Variants in MOV10L1 observed in about 807,000 individuals in gnomAD.
The protein encoded by MOV10L1 is Mov10 like RNA helicase 1.
Under a neutral mutation model 143.8 loss-of-function variants are expected in MOV10L1, and 110 were observed. The ratio of observed to expected loss-of-function variants is 0.76; its 90% CI spans 0.66 to 0.90. The LOEUF is 0.90. Among genes scored for constraint, MOV10L1 ranks in the 40% least tolerant of loss-of-function variants. The pLI is 0.00. For missense variants in MOV10L1, 1,406 were observed against 1,526.8 expected, an observed-to-expected ratio of 0.92 and a Z score of 1.32; for synonymous variants, 593 against 581.1, an observed-to-expected ratio of 1.02 and a Z score of -0.29.
At chr22:50,117,475 G>A (rs567358954) in intron 9 of MOV10L1, 124 bp downstream of exon 9, 6 of 957,078 alleles carry the variant, frequency 6.3e-6, no homozygotes, top group East Asian at 2.6e-5. Flanking sequence ...ATGAAGCTGG[G>A]GTTCAAGCCT....
At chr22:50,145,323 G>A (rs757591512) in intron 18 of MOV10L1, among the ~76,000 whole-genome samples, 4 of 152,182 alleles carry the variant, frequency 2.6e-5, no homozygotes, top group Non-Finnish European at 4.4e-5. Context: ...TCCGGAGGCC[G>A]AAGCAGGAGA....
chr22:50,128,343 T>G (rs1251749061), intron 12 of MOV10L1, 73 bp from the exon 13 acceptor site: 2 of 866,942 alleles, frequency 2.3e-6, no homozygotes, highest in Non-Finnish European at 3.7e-6. Flanking sequence ...GAATGAATTT[T>G]TGATGATGTG....
intron 22 of MOV10L1, among the ~76,000 whole-genome samples, chr22:50,154,697 G>A (rs944621374): frequency 4.6e-5 from 7 of 152,140 alleles, no homozygotes; most frequent in South Asian, 2.1e-4. Context: ...CGTTCTCGTC[G>A]TGCTCCTCAT....
rs1188379358 is a variant in MOV10L1 at position 50,128,396 on chromosome 22, ATTGT to A, written c.1819-14_1819-11del. The stretch of plus-strand genomic sequence containing the variant: ...CACATTATTTCAAGAAATCAGGTAT[ATTGT>A]TTGTTCCTTTTTTAGATTCATGAAG... On this transcript the variant is annotated splice_polypyrimidine_tract_variant and intron_variant, in intron 12 of 26. Coordinates refer to ENST00000262794, the MANE Select transcript of MOV10L1 (RefSeq NM_018995.3). The A allele has an allele frequency of 3.2e-6, 4 of 1,256,756 alleles. No individual in the cohort carries two copies. Among genetic ancestry groups the A allele is most frequent in the Non-Finnish European group, 4.6e-6 (4 of 873,956 alleles). The allele number at this position is 1,256,756 out of a possible 1,614,324, so 77.9% of individuals were successfully genotyped here. A position where few individuals can be genotyped will look rare whatever the true frequency, so the allele number is the denominator to read the frequency against.
chr22:50,111,547 A>C (rs1292176692), intron 5 of MOV10L1, among the ~76,000 whole-genome samples: 2 of 120,244 alleles, frequency 1.7e-5, no homozygotes, highest in African/African-American at 3.3e-5. Flanking sequence ...TCCGTCACCC[A>C]GGTTGGAGTG....
chr22:50,104,836 A>G (rs2061829258), intron 3 of MOV10L1, among the ~76,000 whole-genome samples: 1 of 150,202 alleles, frequency 6.7e-6, no homozygotes. Flanking sequence ...TCAAAGTTGC[A>G]TTTTATGGTT....
chr22:50,135,173 C>T (rs576255247), intron 15 of MOV10L1, among the ~76,000 whole-genome samples: 1 of 151,996 alleles, frequency 6.6e-6, no homozygotes, highest in African/African-American at 2.4e-5. Context: ...GCCATCACAC[C>T]CAGCTAATTT....
intron 20 of MOV10L1, 73 bp downstream of exon 20, chr22:50,149,787 G>A (rs2147409470): frequency 2.2e-6 from 3 of 1,379,072 alleles, no homozygotes; most frequent in Admixed American, 2.0e-5. Flanking sequence ...CTGCGATCCT[G>A]CCGGGAACAG....
chr22:50,128,614 G>C, intron 13 of MOV10L1, 107 bp downstream of exon 13: 3 of 641,272 alleles, frequency 4.7e-6, no homozygotes, highest in Non-Finnish European at 8.0e-6. Context: ...GCGCAATCTC[G>C]GCTCACTGCA....
rs766915853 is a variant in MOV10L1, at chr22:50,152,995, CTG to C, written c.2893-47_2893-46del. 12 of 1,504,898 alleles carry C rather than the reference CTG, an allele frequency of 8.0e-6. No homozygotes were observed. The highest frequency in any genetic ancestry group is 3.7e-5 in the South Asian group (3 of 81,870). The allele number at this position is 1,504,898 out of a possible 1,614,324, so 93.2% of individuals were successfully genotyped here. On this transcript the variant is annotated intron_variant, in intron 21 of 26. Transcript: ENST00000262794. This position sits in a 1 kb window ranked among gnomAD's most constrained non-coding sequence, Gnocchi z 4.4. The stretch of plus-strand genomic sequence containing the variant: ...AGAGCCGCTTTTCGTTCGACAGAAA[CTG>C]TGCCGGGTACCACCTTCCCCTTGTG...
chr22:50,105,825 G>A (rs576546449), intron 3 of MOV10L1, among the ~76,000 whole-genome samples: 21 of 152,300 alleles, frequency 1.4e-4, no homozygotes, highest in Non-Finnish European at 2.5e-4. Context: ...TGTGTGTTTC[G>A]TTGTCATGAG....
chr22:50,151,771 A>G (rs1402412710), intron 21 of MOV10L1, among the ~76,000 whole-genome samples: 2 of 152,216 alleles, frequency 1.3e-5, no homozygotes, highest in Admixed American at 6.5e-5. Context: ...CCGCAGCAGG[A>G]GAGACCAGCA....
At chr22:50,121,943 C>T (rs138234) in intron 10 of MOV10L1, among the ~76,000 whole-genome samples, 73,645 of 152,030 alleles carry the variant, frequency 0.48, 18,854 homozygotes, top group Admixed American at 0.6. Flanking sequence ...TCTATTTCTG[C>T]AAAATATAGC....
chr22:50,097,075 G>A lies in MOV10L1; in HGVS notation c.283-2368G>A, dbSNP rs556669004. Among the ~76,000 whole-genome samples, 4 of 152,208 alleles carry A rather than the reference G, an allele frequency of 2.6e-5. No individual in the cohort carries two copies. In the South Asian group the frequency reaches 8.3e-4, roughly 32 times the overall value. On this transcript the variant is annotated intron_variant, in intron 2 of 26. Transcript: ENST00000262794. Reference sequence around the variant, plus strand: ...TTATGAAGATTTTTTTCTACCAAGAGTTTTATAGTTTTTGCTTTTAAATTA... The same window carrying A: ...TTATGAAGATTTTTTTCTACCAAGAATTTTATAGTTTTTGCTTTTAAATTA...
At chr22:50,101,006 C>G (rs1209545198) in intron 3 of MOV10L1, among the ~76,000 whole-genome samples, 3 of 152,148 alleles carry the variant, frequency 2.0e-5, no homozygotes, top group African/African-American at 7.2e-5. Flanking sequence ...CAGACCTGTG[C>G]ATACATTGTG....
chr22:50,124,313 A>C (rs906146235), intron 10 of MOV10L1, among the ~76,000 whole-genome samples: 2 of 151,996 alleles, frequency 1.3e-5, no homozygotes, highest in Non-Finnish European at 2.9e-5. Flanking sequence ...TCATCTCCTA[A>C]GTATTTTTTA....
At chr22:50,150,126 T>A (rs1354685751) in intron 20 of MOV10L1, among the ~76,000 whole-genome samples, 2 of 152,160 alleles carry the variant, frequency 1.3e-5, no homozygotes, top group East Asian at 3.9e-4. Flanking sequence ...CCTCCCCGAG[T>A]GCTTCTGATG....
chr22:50,152,012 C>T lies in MOV10L1; in HGVS notation c.2893-1033C>T, dbSNP rs1456334803. Among the ~76,000 whole-genome samples the T allele has an allele frequency of 6.6e-6, 1 of 152,252 alleles. No individual in the cohort carries two copies. The highest frequency in any genetic ancestry group is 2.4e-5 in the African/African-American group (1 of 41,478). ...CAGCTAAGGCAGAGGTGCCGTGACT[C>T]TAGATCACATTTGGAGTTTGGAGTA... On this transcript the variant is annotated intron_variant, in intron 21 of 26. Transcript: ENST00000262794. This position sits in a 1 kb window ranked among gnomAD's most constrained non-coding sequence, Gnocchi z 4.4.
chr22:50,101,152 G>A (rs1018131111), intron 3 of MOV10L1, among the ~76,000 whole-genome samples: 2 of 152,100 alleles, frequency 1.3e-5, no homozygotes, highest in African/African-American at 2.4e-5. Context: ...GGTCTGGGGG[G>A]TAGCTCTGCC....
Sources: allele counts gnomAD v4.1 joint callset (sites outside exome capture counted in the v4.1 genomes callset), GRCh38; gene constraint gnomAD v4.1.1; non-coding constraint Gnocchi (gnomAD v3.1); transcripts MANE v1.5; gene names NCBI Gene and HGNC (gene_info 2026-07-23, HGNC 2026-07-21).